The following FHIT variants were observed in gnomAD, a reference collection of about 807,000 sequenced individuals.
The protein encoded by FHIT is fragile histidine triad diadenosine triphosphatase, also known as bis(5'-adenosyl)-triphosphatase.
FHIT carries 19 observed loss-of-function variants against 17.9 expected under a neutral mutation model. The observed-to-expected ratio is 1.06, with a 90% CI of 0.74 to 1.56. The LOEUF is 1.56. FHIT is among the 40% of genes most tolerant of loss of function. The probability of loss-of-function intolerance (pLI) is 0.00; values close to 1 mark genes in which losing one functional copy is unlikely to be tolerated. For missense variants in FHIT, 248 were observed against 189.2 expected (o/e 1.31, Z -1.82); for synonymous variants, 81 against 69.7 (o/e 1.16, Z -0.81).
At chr3:60,620,422 A>C (rs532883632) in intron 4 of FHIT, among the ~76,000 whole-genome samples, 1 of 152,294 alleles carries the variant, frequency 6.6e-6, no homozygotes, top group East Asian at 1.9e-4. Context: ...GTGAATGAAT[A>C]AACAAATCAT....
intron 5 of FHIT, among the ~76,000 whole-genome samples, chr3:60,432,906 A>T (rs1011510869): frequency 2.2e-5 from 2 of 90,420 alleles, no homozygotes; most frequent in African/African-American, 7.1e-5. Flanking sequence ...AACATTTGCT[A>T]GAAGAATTGT....
chr3:61,201,659 A>T (rs1458416442), intron 1 of FHIT, among the ~76,000 whole-genome samples: 2 of 152,176 alleles, frequency 1.3e-5, no homozygotes, highest in African/African-American at 4.8e-5. Flanking sequence ...AGAACAGGTC[A>T]GACTTACGGG....
chr3:60,300,654 C>T (rs1708420625), intron 5 of FHIT, among the ~76,000 whole-genome samples: 1 of 152,204 alleles, frequency 6.6e-6, no homozygotes, highest in African/African-American at 2.4e-5. Context: ...TGTTATTGCA[C>T]TCCGATGATA....
At chr3:60,171,602 T>A (rs1190858464) in intron 5 of FHIT, among the ~76,000 whole-genome samples, 1 of 152,226 alleles carries the variant, frequency 6.6e-6, no homozygotes, top group African/African-American at 2.4e-5. Context: ...ATGTAGTATT[T>A]GGTGGCTTTT....
chr3:60,716,365 T>C (rs2041683129), intron 4 of FHIT, among the ~76,000 whole-genome samples: 1 of 152,148 alleles, frequency 6.6e-6, no homozygotes, highest in South Asian at 2.1e-4. Flanking sequence ...TTCTATAAGC[T>C]TTTTTATATT....
intron 6 of FHIT, among the ~76,000 whole-genome samples, chr3:60,013,009 G>T (rs1700200015): frequency 6.6e-6 from 1 of 152,152 alleles, no homozygotes; most frequent in African/African-American, 2.4e-5. Flanking sequence ...TGCCTGAAGG[G>T]GACTCAAATG....
At chr3:60,683,797 A>T (rs1553697612) in intron 4 of FHIT, among the ~76,000 whole-genome samples, 1 of 152,196 alleles carries the variant, frequency 6.6e-6, no homozygotes, top group East Asian at 1.9e-4. Context: ...TTTGACATAT[A>T]ACACATTTTT....
chr3:59,884,287 T>C (rs759222122), intron 8 of FHIT, among the ~76,000 whole-genome samples: 1 of 152,232 alleles, frequency 6.6e-6, no homozygotes, highest in African/African-American at 2.4e-5. Flanking sequence ...GTGGTGCACA[T>C]TTTATATCAG....
intron 5 of FHIT, among the ~76,000 whole-genome samples, chr3:60,102,865 C>T (rs1439901242): frequency 2.6e-5 from 4 of 152,118 alleles, no homozygotes; most frequent in African/African-American, 7.2e-5. Context: ...ACACAAGTCC[C>T]GTGTCTGATA....
At chr3:60,352,337 G>A (rs970555871) in intron 5 of FHIT, among the ~76,000 whole-genome samples, 9 of 151,980 alleles carry the variant, frequency 5.9e-5, no homozygotes, top group African/African-American at 9.7e-5. Context: ...AAAACAATAC[G>A]AAACTAAGAA....
intron 5 of FHIT, among the ~76,000 whole-genome samples, chr3:60,505,930 C>T (rs973733984): frequency 6.6e-6 from 1 of 152,148 alleles, no homozygotes; most frequent in African/African-American, 2.4e-5. Context: ...CAAATATGGC[C>T]TCCTCATGCC....
intron 5 of FHIT, among the ~76,000 whole-genome samples, chr3:60,362,601 A>T (rs1699949184): frequency 6.6e-6 from 1 of 152,224 alleles, no homozygotes; most frequent in African/African-American, 2.4e-5. Context: ...AATCATCAAC[A>T]TGAGAAACAT....
intron 2 of FHIT, among the ~76,000 whole-genome samples, chr3:61,067,083 G>A (rs1162731395): frequency 6.6e-6 from 1 of 152,194 alleles, no homozygotes; most frequent in African/African-American, 2.4e-5. Flanking sequence ...CAGCACAGCA[G>A]AACTTGAGGA....
intron 4 of FHIT, among the ~76,000 whole-genome samples, chr3:60,556,752 G>C (rs1020273694): frequency 6.6e-6 from 1 of 152,222 alleles, no homozygotes; most frequent in Non-Finnish European, 1.5e-5. Context: ...TAGAGAAGAG[G>C]AGCAGTGGCA....
chr3:60,167,027 T>C (rs1442786697), intron 5 of FHIT, among the ~76,000 whole-genome samples: 1 of 152,192 alleles, frequency 6.6e-6, no homozygotes, highest in Non-Finnish European at 1.5e-5. Context: ...ATGCTTTGCA[T>C]GGGAACTCTC....
chr3:60,657,451 C>G (rs889693729), intron 4 of FHIT, among the ~76,000 whole-genome samples: 2 of 152,086 alleles, frequency 1.3e-5, no homozygotes, highest in Non-Finnish European at 2.9e-5. Context: ...TGTCCTGGGT[C>G]CTTTGATTTC....
chr3:61,222,312 G>A (rs1266023173), intron 1 of FHIT, among the ~76,000 whole-genome samples: 1 of 152,198 alleles, frequency 6.6e-6, no homozygotes, highest in Non-Finnish European at 1.5e-5. Flanking sequence ...GCCTTCCAAA[G>A]TCTTAATTAG....
At chr3:60,646,101 T>C (rs2039850446) in intron 4 of FHIT, among the ~76,000 whole-genome samples, 1 of 152,226 alleles carries the variant, frequency 6.6e-6, no homozygotes, top group African/African-American at 2.4e-5. Flanking sequence ...ATTTGGTTAC[T>C]TGTTTTTAAT....
At chr3:61,000,073 G>A (rs1409304227) in intron 3 of FHIT, among the ~76,000 whole-genome samples, 2 of 152,112 alleles carry the variant, frequency 1.3e-5, no homozygotes, top group Non-Finnish European at 2.9e-5. Flanking sequence ...GAAATGTTGG[G>A]GGTACACAAA....
Sources: allele counts gnomAD v4.1 joint callset (sites outside exome capture counted in the v4.1 genomes callset), GRCh38; gene constraint gnomAD v4.1.1; transcripts MANE v1.5; gene names NCBI Gene and HGNC (gene_info 2026-07-23, HGNC 2026-07-21).